CASP10: variants seen among roughly 807,000 people sequenced by gnomAD.
CASP10 encodes caspase-10.
A neutral mutation model predicts 48.5 loss-of-function variants in CASP10; 41 were observed. That is an observed-to-expected ratio of 0.85 (90% CI 0.66 to 1.10). CASP10 has a LOEUF of 1.10. CASP10 is among the 50% of genes least tolerant of loss of function. The pLI is 0.00. For missense variants in CASP10, 614 were observed against 614.5 expected, an observed-to-expected ratio of 1.00 and a Z score of 0.01; for synonymous variants, 232 against 238.4, an observed-to-expected ratio of 0.97 and a Z score of 0.25.
downstream of CASP10, among the ~76,000 whole-genome samples, chr2:201,224,221 T>A (rs1421323263): frequency 6.6e-6 from 1 of 152,070 alleles, no homozygotes; most frequent in Non-Finnish European, 1.5e-5. Flanking sequence ...TCCGCCCGCC[T>A]TGGCCTTCCA....
At chr2:201,205,357 T>C (rs1428026961) in intron 6 of CASP10, among the ~76,000 whole-genome samples, 1 of 151,826 alleles carries the variant, frequency 6.6e-6, no homozygotes, top group Non-Finnish European at 1.5e-5. Flanking sequence ...CCCAGGAAGC[T>C]GGGACTACAG....
Position 201,219,268 on chromosome 2 carries a change from TAAA to T in CASP10, c.*1535_*1537del. On this transcript the variant is annotated 3_prime_UTR_variant, in exon 10 of 10. Transcript: ENST00000286186. ...TTGGGCAACAGGGCGAGACCTTGTT[TAAA>T]AAAAAAATTCAATATTGGGGTTGGA... is the stretch of plus-strand genomic sequence containing the variant. 1 of 258,632 alleles carries T rather than the reference TAAA, an allele frequency of 3.9e-6. No individual in the cohort carries two copies. Among genetic ancestry groups the T allele is most frequent in the Non-Finnish European group, 6.0e-6 (1 of 166,436 alleles). 16.0% of individuals were successfully genotyped at this position (258,632 alleles called of 1,614,324 possible). A position where few individuals can be genotyped will look rare whatever the true frequency, so the allele number is the denominator to read the frequency against.
At chr2:201,195,082 T>TTTGTTA (rs1368368375) in intron 4 of CASP10, among the ~76,000 whole-genome samples, 1 of 150,420 alleles carries the variant, frequency 6.6e-6, no homozygotes, top group African/African-American at 2.5e-5. Flanking sequence ...CGGCTTGAGC[T>TTTGTTA]TTGTTATTTT....
chr2:201,221,186 C>G lies in CASP10; in HGVS notation c.*3445C>G. The G allele has an allele frequency of 1.0e-6, 1 of 985,428 alleles. No individual in the cohort carries two copies. The highest frequency in any genetic ancestry group is 1.2e-6 in the Non-Finnish European group (1 of 829,936). The allele number at this position is 985,428 out of a possible 1,614,324, so 61.0% of individuals were successfully genotyped here. On this transcript the variant is annotated 3_prime_UTR_variant, in exon 10 of 10. Coordinates refer to ENST00000286186, the MANE Select transcript of CASP10 (RefSeq NM_032977.4). Reference sequence around the variant, plus strand: ...CGGCAACTCAGCACTAGCATTACCCCTGACATACTCTGAGTAAGATCTAAT... The same window carrying G: ...CGGCAACTCAGCACTAGCATTACCCGTGACATACTCTGAGTAAGATCTAAT...
chr2:201,222,546 A>G (rs3851976), downstream of CASP10, among the ~76,000 whole-genome samples: 12,778 of 152,262 alleles, frequency 0.084, 972 homozygotes, highest in African/African-American at 0.2. Context: ...CTGCCAAACA[A>G]AATTAAAGAC....
At chr2:201,206,911 T>C (rs376577636) in intron 7 of CASP10, among the ~76,000 whole-genome samples, 1 of 152,222 alleles carries the variant, frequency 6.6e-6, no homozygotes, top group African/African-American at 2.4e-5. Context: ...AAAGTGAAGA[T>C]GCTTTTGCAT....
Position 201,221,049 on chromosome 2 carries a change from T to G in CASP10, c.*3308T>G, listed in dbSNP as rs1945707701. On this transcript the variant is annotated 3_prime_UTR_variant, in exon 10 of 10. Coordinates refer to ENST00000286186, the MANE Select transcript of CASP10 (RefSeq NM_032977.4). ...ATGTGTGCATCTATTTAAATCTAAC[T>G]GTGCTGAGGTGCATATAAATGCCTT... 1.0e-6 allele frequency: 1 copy of G among 985,348 alleles called. No homozygotes were observed. Among genetic ancestry groups the G allele is most frequent in the Non-Finnish European group, 1.2e-6 (1 of 829,950 alleles). 61.0% of individuals were successfully genotyped at this position (985,348 alleles called of 1,614,324 possible).
intron 5 of CASP10, among the ~76,000 whole-genome samples, chr2:201,201,481 C>CAG (rs1265937021): frequency 2.6e-5 from 4 of 152,220 alleles, no homozygotes; most frequent in Non-Finnish European, 4.4e-5. Context: ...GAAACACACA[C>CAG]ACACACACAC....
In CASP10 at chr2:201,217,786, T is replaced by C. The variant is rs1449763416; in HGVS notation, c.*45T>C. The stretch of plus-strand genomic sequence containing the variant: ...CTTAGACCTCAAACGAATCATTGGC[T>C]ATAACCTCCAGCCTCCTGCCCAGCA... On this transcript the variant is annotated 3_prime_UTR_variant, in exon 10 of 10. Transcript: ENST00000286186. 2.5e-6 allele frequency: 4 copies of C among 1,613,404 alleles called. No homozygotes were observed. The highest frequency in any genetic ancestry group is 2.5e-6 in the Non-Finnish European group (3 of 1,179,580).
chr2:201,224,023 G>A (rs911698793), downstream of CASP10, among the ~76,000 whole-genome samples: 1 of 150,862 alleles, frequency 6.6e-6, no homozygotes, highest in East Asian at 1.9e-4. Flanking sequence ...CCAGGCTGGA[G>A]TGCAGTGGCT....
chr2:201,193,002 G>A lies in CASP10; in HGVS notation c.460G>A (p.Ala154Thr). The change falls in exon 4 of 10, where the codon GCA becomes ACA. Residue 154 changes from alanine to threonine, a missense_variant. Physicochemically the swap from Ala to Thr is moderately conservative, Grantham distance 58. Transcript: ENST00000286186. ...KTEMTSLSFL[A>T]FLEKQGKIDE... is the part of the protein sequence containing the mutation. Reference sequence around the variant, plus strand: ...CTTGTAGACCTCCCTAAGTTTCCTGGCATTTCTAGAGAAACAAGGTAAAAT... The same window carrying A: ...CTTGTAGACCTCCCTAAGTTTCCTGACATTTCTAGAGAAACAAGGTAAAAT... The A allele has an allele frequency of 1.2e-6, 2 of 1,613,546 alleles. No individual in the cohort carries two copies. Among genetic ancestry groups the A allele is most frequent in the South Asian group, 1.1e-5 (1 of 91,070 alleles).
At chr2:201,227,940 C>T (rs528149033) in intron 9 of CASP10, among the ~76,000 whole-genome samples, 3 of 152,160 alleles carry the variant, frequency 2.0e-5, no homozygotes, top group Admixed American at 6.5e-5. Context: ...ACACCCACAA[C>T]GCCCAAATTG....
chr2:201,194,112 T>C (rs1004763260), intron 4 of CASP10, among the ~76,000 whole-genome samples: 1 of 151,982 alleles, frequency 6.6e-6, no homozygotes, highest in African/African-American at 2.4e-5. Flanking sequence ...TGTGTGTGTG[T>C]GTGTGTGTGT....
intron 3 of CASP10, among the ~76,000 whole-genome samples, chr2:201,191,313 T>C (rs1035876530): frequency 6.6e-6 from 1 of 152,180 alleles, no homozygotes; most frequent in Non-Finnish European, 1.5e-5. Flanking sequence ...AGCTGTGGCA[T>C]GGAATTGTGA....
At chr2:201,208,489 A>C in intron 8 of CASP10, 1 of 422,430 alleles carries the variant, frequency 2.4e-6, no homozygotes, top group Non-Finnish European at 3.2e-6. Context: ...TGGGAGAGTC[A>C]AGAGACCTTG....
chr2:201,228,750 G>C (rs999575791), intron 9 of CASP10, among the ~76,000 whole-genome samples: 4 of 152,168 alleles, frequency 2.6e-5, no homozygotes, highest in African/African-American at 9.7e-5. Flanking sequence ...TTATCTTGAA[G>C]ATTGTAAACA....
chr2:201,210,602 C>T (rs369410635), intron 9 of CASP10, among the ~76,000 whole-genome samples: 5 of 152,174 alleles, frequency 3.3e-5, no homozygotes, highest in Admixed American at 1.3e-4. Flanking sequence ...AGGATTGGAA[C>T]CTTGAGTCAA....
chr2:201,221,830 T>TG (rs1945727882), downstream of CASP10, among the ~76,000 whole-genome samples: 1 of 152,192 alleles, frequency 6.6e-6, no homozygotes, highest in South Asian at 2.1e-4. Flanking sequence ...AAACGTTGTT[T>TG]TTAGGGGCCT....
At chr2:201,200,345 G>A in intron 5 of CASP10, 2 of 1,111,300 alleles carry the variant, frequency 1.8e-6, no homozygotes, top group Non-Finnish European at 2.7e-6. Context: ...TACTATGTTG[G>A]TTGTAAAACA....
Sources: gnomAD v4.1 joint callset for allele counts (sites outside exome capture counted in the v4.1 genomes callset) on GRCh38, gnomAD v4.1.1 for gene constraint, MANE v1.5 for transcripts, NCBI Gene and HGNC (gene_info 2026-07-23, HGNC 2026-07-21) for gene names.